RAB3GAP2: variants seen among roughly 807,000 people sequenced by gnomAD.
RAB3GAP2 encodes the protein rab3 GTPase-activating protein non-catalytic subunit.
Under a neutral mutation model 185.3 loss-of-function variants are expected in RAB3GAP2, and 87 were observed. The ratio of observed to expected loss-of-function variants is 0.47; its 90% confidence interval spans 0.39 to 0.56. The LOEUF is 0.56. RAB3GAP2 is among the 20% of genes least tolerant of loss of function. The probability of loss-of-function intolerance (pLI) is 0.00; values close to 1 mark genes in which losing one functional copy is unlikely to be tolerated. For synonymous variants in RAB3GAP2, 554 were observed against 576.1 expected (o/e 0.96, Z 0.55); for missense variants, 1,492 against 1,638.2 (o/e 0.91, Z 1.54).
chr1:220,157,627 T>A, intron 30 of RAB3GAP2, 139 bp from the exon 31 acceptor site: 1 of 1,068,764 alleles, frequency 9.4e-7, no homozygotes, highest in Non-Finnish European at 1.4e-6. Context: ...ACACAAAGTC[T>A]AATTTCAATA....
chr1:220,271,930 G>C (rs1215660006), intron 1 of RAB3GAP2, among the ~76,000 whole-genome samples: 1 of 116,538 alleles, frequency 8.6e-6, no homozygotes, highest in African/African-American at 3.4e-5. Context: ...GTGTGGGGGT[G>C]GGGGGAGGGA....
chr1:220,235,256 T>C (rs1423475488), intron 1 of RAB3GAP2, among the ~76,000 whole-genome samples: 1 of 152,218 alleles, frequency 6.6e-6, no homozygotes, highest in Non-Finnish European at 1.5e-5. Flanking sequence ...AATTAGCTTG[T>C]TTTTTGGCGA....
chr1:220,199,774 C>T (rs1658807638), intron 9 of RAB3GAP2, among the ~76,000 whole-genome samples: 1 of 152,152 alleles, frequency 6.6e-6, no homozygotes, highest in South Asian at 2.1e-4. Context: ...ACCCTTAATT[C>T]TTTCCTTCCT....
rs770787571 is a variant in RAB3GAP2, at chr1:220,193,266, C to T, written c.1244G>A (p.Arg415Lys). The T allele has an allele frequency of 2.4e-5, 38 of 1,613,862 alleles. No individual in the cohort carries two copies. Among genetic ancestry groups the T allele is most frequent in the Non-Finnish European group, 3.1e-5 (36 of 1,179,952 alleles). The part of the protein sequence containing the change: ...FGRVILLDVA[R>K]GIAIRMWKGY... ...TTTCCACATGCGTATTGCAATTCCT[C>T]TAGCTACATCCAATAAAATAACTCT... The change falls in exon 13 of 35, where the codon AGA (arginine) becomes AAA (lysine). Residue 415 changes from arginine (R) to lysine (K), a missense_variant. Around this residue, in one of 5 missense-constraint regions of RAB3GAP2, gnomAD observed 681 missense variants for 689.1 expected, o/e 0.99. Coordinates refer to ENST00000358951, the MANE Select transcript of RAB3GAP2 (RefSeq NM_012414.4).
At chr1:220,235,220 A>G (rs1376673552) in intron 1 of RAB3GAP2, among the ~76,000 whole-genome samples, 1 of 152,182 alleles carries the variant, frequency 6.6e-6, no homozygotes, top group Non-Finnish European at 1.5e-5. Flanking sequence ...TTGATATTGC[A>G]ATTTAGAGAT....
rs1659982376 is a variant in RAB3GAP2 at position 220,253,762 on chromosome 1, T to C, written c.115+18461A>G. ...GGTTCCGGAGAGCAGAGTACTCAAA[T>C]ACGTGGACACCAATTTGCAGAAACA... On this transcript the variant is annotated intron_variant, in intron 1 of 34. Transcript: ENST00000358951. The C allele has an allele frequency of 1.5e-5, 24 of 1,611,646 alleles. 1 individual carries two copies. In the South Asian group the frequency reaches 2.5e-4, roughly 17 times the overall value.
At chr1:220,210,219 G>A (rs866008511) in intron 7 of RAB3GAP2, among the ~76,000 whole-genome samples, 169 bp downstream of exon 7, 3 of 152,080 alleles carry the variant, frequency 2.0e-5, no homozygotes, top group African/African-American at 7.2e-5. Context: ...AGCAAGACTG[G>A]TATTCTTTAC....
intron 2 of RAB3GAP2, among the ~76,000 whole-genome samples, chr1:220,225,823 T>C (rs1046770080): frequency 1.3e-5 from 2 of 152,206 alleles, no homozygotes; most frequent in African/African-American, 4.8e-5. Context: ...GATGCTCATG[T>C]CTCCTGTGTG....
Position 220,171,073 on chromosome 1 carries a change from G to A in RAB3GAP2, c.2625C>T (p.Ser875=). The part of the protein sequence containing the change: ...LGADSEALTD[S]WEALSLDTEY... ...CAGTGTCAAGAGAAAGTGCCTCCCA[G>A]GAATCAGTGAGGGCCTCTGAATCAG... is the stretch of plus-strand genomic sequence containing the variant. The change falls in exon 24 of 35, where the codon TCC becomes TCT. Residue 875 remains serine, a synonymous_variant. Transcript: ENST00000358951. The A allele has an allele frequency of 6.2e-7, 1 of 1,614,142 alleles. No homozygotes were observed. Among genetic ancestry groups the A allele is most frequent in the Non-Finnish European group, 8.5e-7 (1 of 1,179,994 alleles).
In RAB3GAP2 at chr1:220,255,045, T is replaced by G. The variant is rs143105020; in HGVS notation, c.115+17178A>C. On this transcript the variant is annotated intron_variant, in intron 1 of 34. Transcript: ENST00000358951. The stretch of plus-strand genomic sequence containing the variant: ...TTAGGCATTTTATCTTGGCTCAAAT[T>G]GTTGAAGAATGGTGGCTTGTTTCAT... Among the ~76,000 whole-genome samples the G allele has an allele frequency of 9.0e-3, 1,375 of 151,982 alleles. 30 individuals are homozygous for G. The highest frequency in any genetic ancestry group is 0.032 in the African/African-American group (1,309 of 41,450).
chr1:220,196,783 G>A (rs1049133970), intron 9 of RAB3GAP2, among the ~76,000 whole-genome samples: 1 of 151,494 alleles, frequency 6.6e-6, no homozygotes, highest in East Asian at 2.0e-4. Flanking sequence ...GTAAGCTGAG[G>A]TCACACCAAC....
intron 1 of RAB3GAP2, among the ~76,000 whole-genome samples, chr1:220,247,441 A>G (rs1391641358): frequency 6.6e-6 from 1 of 152,228 alleles, no homozygotes; most frequent in Non-Finnish European, 1.5e-5. Flanking sequence ...GAATGAAATA[A>G]TGTCTTTTGC....
At chr1:220,188,404 C>T (rs757974889) in intron 17 of RAB3GAP2, among the ~76,000 whole-genome samples, 7 of 152,026 alleles carry the variant, frequency 4.6e-5, no homozygotes, top group African/African-American at 1.2e-4. Context: ...CCATGGGGAT[C>T]GAAGCATTAT....
chr1:220,210,521 G>T, intron 6 of RAB3GAP2, 32 bp from the exon 7 acceptor site: 1 of 1,527,852 alleles, frequency 6.5e-7, no homozygotes. Context: ...GGCCCTGCTT[G>T]TTTTCTTACC....
intron 1 of RAB3GAP2, among the ~76,000 whole-genome samples, chr1:220,260,797 T>A (rs867256157): frequency 1.3e-5 from 2 of 152,160 alleles, no homozygotes; most frequent in Non-Finnish European, 2.9e-5. Context: ...ATACTTCCAA[T>A]AGAACTTTCT....
chr1:220,152,713 TTAAAAA>T (rs1361470028), intron 33 of RAB3GAP2, among the ~76,000 whole-genome samples: 19 of 152,184 alleles, frequency 1.2e-4, no homozygotes, highest in Non-Finnish European at 5.9e-5. Flanking sequence ...CTTTTTCAAT[TTAAAAA>T]TAAATATTTT....
intron 24 of RAB3GAP2, among the ~76,000 whole-genome samples, chr1:220,170,036 T>C (rs1200843161): frequency 6.6e-6 from 1 of 152,102 alleles, no homozygotes; most frequent in Non-Finnish European, 1.5e-5. Flanking sequence ...CCATCAATGA[T>C]AGACTGGATA....
At chr1:220,183,539 C>A (rs932221890) in intron 19 of RAB3GAP2, among the ~76,000 whole-genome samples, 3 of 152,064 alleles carry the variant, frequency 2.0e-5, no homozygotes, top group Non-Finnish European at 4.4e-5. Flanking sequence ...AGGTGCAAGC[C>A]ACTATGCCTT....
intron 1 of RAB3GAP2, among the ~76,000 whole-genome samples, chr1:220,271,998 G>C (rs549126786): frequency 1.3e-4 from 20 of 152,014 alleles, no homozygotes; most frequent in Non-Finnish European, 2.6e-4. Flanking sequence ...TTTAGCCAGG[G>C]GTCAGAGGGC....
Sources: allele counts gnomAD v4.1 joint callset (sites outside exome capture counted in the v4.1 genomes callset), GRCh38; gene constraint gnomAD v4.1.1; regional missense constraint gnomAD v4.1.1; transcripts MANE v1.5; gene names NCBI Gene and HGNC (gene_info 2026-07-23, HGNC 2026-07-21).